The following CCSER1 variants were observed in gnomAD, a reference collection of about 807,000 sequenced individuals.
CCSER1 encodes the protein coiled-coil serine rich protein 1, also known as serine-rich coiled-coil domain-containing protein 1.
Under a neutral mutation model 82.0 loss-of-function variants are expected in CCSER1, and 41 were observed. The ratio of observed to expected loss-of-function variants is 0.50; its 90% CI spans 0.39 to 0.65. The LOEUF is 0.65. CCSER1 is among the 30% of genes least tolerant of loss of function. CCSER1 has a pLI of 0.00. For synonymous variants in CCSER1, 414 were observed against 383.9 expected (o/e 1.08, Z -0.92); for missense variants, 1,119 against 1,064.2 (o/e 1.05, Z -0.72).
intron 4 of CCSER1, among the ~76,000 whole-genome samples, chr4:90,410,827 A>T (rs1217749423): frequency 6.6e-6 from 1 of 152,196 alleles, no homozygotes; most frequent in Non-Finnish European, 1.5e-5. Context: ...AAAATCAATG[A>T]ATCCAGGAGC....
chr4:90,738,494 T>C (rs896445940), intron 7 of CCSER1, among the ~76,000 whole-genome samples: 1 of 152,124 alleles, frequency 6.6e-6, no homozygotes, highest in Non-Finnish European at 1.5e-5. Flanking sequence ...TTTTGGGTTG[T>C]CAAGAGCTGG....
chr4:90,702,011 T>C (rs1269048041), intron 6 of CCSER1, among the ~76,000 whole-genome samples: 1 of 152,148 alleles, frequency 6.6e-6, no homozygotes, highest in African/African-American at 2.4e-5. Context: ...CAACGCTACA[T>C]TGAATAGGAG....
At chr4:90,778,500 G>C (rs1437992924) in intron 7 of CCSER1, among the ~76,000 whole-genome samples, 2 of 148,540 alleles carry the variant, frequency 1.3e-5, no homozygotes, top group Non-Finnish European at 3.0e-5. Context: ...CCATTAAATG[G>C]CAGTATCTTA....
chr4:90,655,946 T>A (rs1044631236), intron 6 of CCSER1, among the ~76,000 whole-genome samples: 1 of 151,908 alleles, frequency 6.6e-6, no homozygotes, highest in Non-Finnish European at 1.5e-5. Context: ...CTAAGAGGCT[T>A]TGCACAGTTA....
At chr4:91,522,935 C>T (rs901422356) in intron 10 of CCSER1, among the ~76,000 whole-genome samples, 2 of 152,146 alleles carry the variant, frequency 1.3e-5, no homozygotes, top group African/African-American at 4.8e-5. Flanking sequence ...TGAGAGAGGG[C>T]ATCCCTGTCT....
chr4:91,368,387 T>C (rs942978438), intron 10 of CCSER1, among the ~76,000 whole-genome samples: 1 of 152,168 alleles, frequency 6.6e-6, no homozygotes, highest in African/African-American at 2.4e-5. Flanking sequence ...AAGACCATAA[T>C]GTTCAAAACA....
intron 7 of CCSER1, among the ~76,000 whole-genome samples, chr4:90,725,853 T>C (rs554326715): frequency 1.2e-3 from 181 of 152,038 alleles, no homozygotes; most frequent in Non-Finnish European, 1.8e-3. Context: ...TTCAGATGTA[T>C]AAAACTTTGA....
chr4:90,199,399 A>G (rs1410367255), intron 1 of CCSER1, among the ~76,000 whole-genome samples: 2 of 152,182 alleles, frequency 1.3e-5, no homozygotes, highest in African/African-American at 4.8e-5. Context: ...ATCCTATTTA[A>G]TCATTTCATT....
chr4:90,143,526 A>ACC (rs1725218000), intron 1 of CCSER1, among the ~76,000 whole-genome samples: 2 of 150,048 alleles, frequency 1.3e-5, no homozygotes, highest in African/African-American at 2.5e-5. Context: ...ACACACACAC[A>ACC]CCAGGTATTA....
At chr4:91,059,314 A>ATATATGTG (rs1554062413) in intron 9 of CCSER1, among the ~76,000 whole-genome samples, 1 of 143,966 alleles carries the variant, frequency 6.9e-6, no homozygotes. Flanking sequence ...ATACGTGTAT[A>ATATATGTG]TATATATACA....
intron 1 of CCSER1, among the ~76,000 whole-genome samples, chr4:90,193,221 T>G (rs1351544055): frequency 6.6e-6 from 1 of 152,108 alleles, no homozygotes; most frequent in Non-Finnish European, 1.5e-5. Flanking sequence ...CCAGCTTCTT[T>G]TAGCCACCCT....
intron 5 of CCSER1, among the ~76,000 whole-genome samples, chr4:90,558,185 A>G (rs1239745878): frequency 6.6e-6 from 1 of 152,186 alleles, no homozygotes; most frequent in Non-Finnish European, 1.5e-5. Context: ...AGTAGTTGCT[A>G]CTACATGGTA....
rs543429106 is a variant in CCSER1 at position 91,030,032 on chromosome 4, A to G, written c.2173-55918A>G. ...TAATCATTAATTAAAAATAATAAAA[A>G]CAAGTCATAAAGGGTATAATAATTG... On this transcript the variant is annotated intron_variant, in intron 9 of 10. Transcript: ENST00000509176. Among the ~76,000 whole-genome samples, 528 of 152,252 alleles carry G rather than the reference A, an allele frequency of 3.5e-3. 4 individuals are homozygous for G. The highest frequency in any genetic ancestry group is 0.012 in the African/African-American group (509 of 41,566).
At chr4:90,941,918 TC>T (rs1232339549) in intron 9 of CCSER1, among the ~76,000 whole-genome samples, 1 of 152,068 alleles carries the variant, frequency 6.6e-6, no homozygotes, top group Non-Finnish European at 1.5e-5. Context: ...TGTTAGAATA[TC>T]CTGTCTTCTA....
At chr4:90,773,769 A>T (rs1752541696) in intron 7 of CCSER1, among the ~76,000 whole-genome samples, 1 of 152,218 alleles carries the variant, frequency 6.6e-6, no homozygotes, top group Non-Finnish European at 1.5e-5. Context: ...CCAAAATTAC[A>T]ATAACATTAT....
intron 9 of CCSER1, among the ~76,000 whole-genome samples, chr4:90,992,664 T>A (rs1418071594): frequency 6.6e-6 from 1 of 152,022 alleles, no homozygotes; most frequent in Non-Finnish European, 1.5e-5. Context: ...CAGAATTCAA[T>A]TCTTTGTGGT....
chr4:91,060,403 T>G (rs1175466416), intron 9 of CCSER1, among the ~76,000 whole-genome samples: 1 of 151,962 alleles, frequency 6.6e-6, no homozygotes, highest in Non-Finnish European at 1.5e-5. Flanking sequence ...AGAGCAAAAC[T>G]GGGGTAATTT....
chr4:90,224,386 T>C (rs1457924936), intron 1 of CCSER1, among the ~76,000 whole-genome samples: 1 of 152,230 alleles, frequency 6.6e-6, no homozygotes, highest in East Asian at 1.9e-4. Context: ...GCAGTTGTAA[T>C]GGATTACTCG....
At chr4:90,903,894 AACATAGACAT>A (rs1293606507) in intron 8 of CCSER1, among the ~76,000 whole-genome samples, 5 of 151,914 alleles carry the variant, frequency 3.3e-5, no homozygotes, top group Admixed American at 2.0e-4. Flanking sequence ...GAAAGTAGTA[AACATAGACAT>A]ACATGAATTT....
Sources: allele counts gnomAD v4.1 joint callset (sites outside exome capture counted in the v4.1 genomes callset), GRCh38; gene constraint gnomAD v4.1.1; transcripts MANE v1.5; gene names NCBI Gene and HGNC (gene_info 2026-07-23, HGNC 2026-07-21).